NCSTN: variants seen among roughly 807,000 people sequenced by gnomAD.
NCSTN encodes anterior pharynx-defective 2.
A neutral mutation model predicts 87.0 loss-of-function variants in NCSTN; 22 were observed. The observed-to-expected ratio is 0.25, with a 90% CI of 0.18 to 0.36. The LOEUF (loss-of-function observed/expected upper bound fraction) is 0.36. Ranked by LOEUF, NCSTN falls within the 10% of genes least tolerant of loss-of-function variation. The probability of loss-of-function intolerance (pLI) is 1.00; values close to 1 mark genes in which losing one functional copy is unlikely to be tolerated. For missense variants in NCSTN, 693 were observed against 883.3 expected, an observed-to-expected ratio of 0.78 and a Z score of 2.73; for synonymous variants, 306 against 327.1, an observed-to-expected ratio of 0.94 and a Z score of 0.69.
chr1:160,350,430 T>A (rs6675937), intron 5 of NCSTN, among the ~76,000 whole-genome samples, 180 bp downstream of exon 5: 4,704 of 136,252 alleles, frequency 0.035, 267 homozygotes, highest in African/African-American at 0.13. Flanking sequence ...CCAGCCTGGG[T>A]GACAGAGCAA....
Position 160,358,250 on chromosome 1 carries a change from G to C in NCSTN, c.2109G>C (p.Glu703Asp), listed in dbSNP as rs530442532. The part of the protein sequence containing the change: ...KADVLFIAPR[E>D]PGAVSY ...ATGTCCTTTTCATTGCTCCCCGGGA[G>C]CCAGGAGCTGTGTCATACTGAGGAG... The change falls in exon 17 of 17, where the codon GAG becomes GAC. Residue 703 changes from glutamate (E) to aspartate (D), a missense_variant. By Grantham distance (45) the Glu-to-Asp change is conservative. Transcript: ENST00000294785. 5.0e-6 allele frequency: 8 copies of C among 1,614,102 alleles called. No homozygotes were observed. The South Asian group carries it at 7.7e-5, about 16-fold the overall frequency.
intron 1 of NCSTN, 172 bp from the exon 2 acceptor site, chr1:160,344,550 G>A (rs1165568865): frequency 1.3e-6 from 2 of 1,550,538 alleles, no homozygotes; most frequent in Non-Finnish European, 1.7e-6. Context: ...TGTAGAACAT[G>A]TATCTGTTAC....
At chr1:160,353,315 A>AC in intron 10 of NCSTN, 78 bp downstream of exon 10, 1 of 1,606,768 alleles carries the variant, frequency 6.2e-7, no homozygotes, top group East Asian at 2.2e-5. Flanking sequence ...GTTTCCACCA[A>AC]CCCCCAGGGC....
rs1045236554 is a variant in NCSTN, at chr1:160,352,104, A to C, written c.894A>C (p.Ala298=). 13 of 1,614,122 alleles carry C rather than the reference A, an allele frequency of 8.1e-6. No individual in the cohort carries two copies. Among genetic ancestry groups the C allele is most frequent in the Non-Finnish European group, 1.1e-5 (13 of 1,180,036 alleles). Residue 298 remains alanine (A), a synonymous_variant, in exon 8 of 17, where the codon GCA becomes GCC. Coordinates refer to ENST00000294785, the MANE Select transcript of NCSTN (RefSeq NM_015331.3). Reference sequence around the variant, plus strand: ...ATGTGGCCCCAGGGGCTGAAAGCGCAGTGGCTTCCTTTGTCACCCAGCTGG... The same window carrying C: ...ATGTGGCCCCAGGGGCTGAAAGCGCCGTGGCTTCCTTTGTCACCCAGCTGG... The part of the protein sequence containing the change: ...FWNVAPGAES[A]VASFVTQLAA...
At chr1:160,346,958 G>A (rs1033045600) in intron 2 of NCSTN, among the ~76,000 whole-genome samples, 1 of 152,232 alleles carries the variant, frequency 6.6e-6, no homozygotes, top group Non-Finnish European at 1.5e-5. Context: ...TAGGTCCAGG[G>A]TGGGCTGAGA....
chr1:160,349,354 T>G (rs1478174105), intron 3 of NCSTN, 195 bp from the exon 4 acceptor site: 2 of 769,196 alleles, frequency 2.6e-6, no homozygotes, highest in Non-Finnish European at 4.4e-6. Flanking sequence ...CCTCCCTCCC[T>G]GGGGTCCTTA....
chr1:160,355,325 G>A (rs1649071478), intron 11 of NCSTN, among the ~76,000 whole-genome samples: 2 of 152,146 alleles, frequency 1.3e-5, no homozygotes, highest in Admixed American at 6.5e-5. Flanking sequence ...ATGATACATG[G>A]CAGAGTTCTC....
chr1:160,346,249 TC>T (rs1557882344), intron 2 of NCSTN, among the ~76,000 whole-genome samples: 1 of 152,258 alleles, frequency 6.6e-6, no homozygotes, highest in African/African-American at 2.4e-5. Flanking sequence ...GATACTGGCT[TC>T]TTCATCATCA....
chr1:160,343,666 C>T (rs1648251938), intron 1 of NCSTN, 185 bp downstream of exon 1: 1 of 727,358 alleles, frequency 1.4e-6, no homozygotes, highest in East Asian at 2.7e-5. Flanking sequence ...GTCCCTTCTC[C>T]CCCGCAGCAC....
Position 160,355,676 on chromosome 1 carries a change from C to A in NCSTN, c.1374C>A (p.Asp458Glu). 1 of 1,614,096 alleles carries A rather than the reference C, an allele frequency of 6.2e-7. No homozygotes were observed. Among genetic ancestry groups the A allele is most frequent in the South Asian group, 1.1e-5 (1 of 91,080 alleles). The change falls in exon 12 of 17, where the codon GAC becomes GAA. Residue 458 changes from aspartate to glutamate, a missense_variant. Asp to Glu is a conservative substitution (Grantham distance 45). This residue lies in a region of NCSTN where 108 missense variants were observed against 111.6 expected (regional missense o/e 0.97). Transcript: ENST00000294785. ...FHNKYYQSIY[D>E]TAENINVSYP... ...GCAGATATTACCAGAGTATTTACGA[C>A]ACTGCTGAGAACATTAATGTGAGCT...
intron 11 of NCSTN, 58 bp from the exon 12 acceptor site, chr1:160,355,597 G>T: frequency 7.8e-7 from 1 of 1,285,374 alleles, no homozygotes. Context: ...ATTTGAGGGA[G>T]GAAAGGGGCA....
chr1:160,349,578 C>A lies in NCSTN; in HGVS notation c.344C>A (p.Thr115Asn). 6.2e-7 allele frequency: 1 copy of A among 1,614,168 alleles called. No individual in the cohort carries two copies. Among genetic ancestry groups the A allele is most frequent in the South Asian group, 1.1e-5 (1 of 91,082 alleles). The change falls in exon 4 of 17, where the codon ACC becomes AAC. Residue 115 changes from threonine (T) to asparagine (N), a missense_variant. Coordinates refer to ENST00000294785, the MANE Select transcript of NCSTN (RefSeq NM_015331.3). ...RDLMEKLKGR[T>N]SRIAGLAVSL... is the part of the protein sequence containing the mutation. ...TTAATGGAGAAGCTGAAAGGGAGAA[C>A]CAGCCGAATTGCTGGTCTTGCAGTG...
chr1:160,358,795 G>A lies in NCSTN; in HGVS notation c.*524G>A, dbSNP rs1649260015. 1 of 168,794 alleles carries A rather than the reference G, an allele frequency of 5.9e-6. No homozygotes were observed. Among genetic ancestry groups the A allele is most frequent in the African/African-American group, 2.4e-5 (1 of 41,900 alleles). 10.5% of individuals were successfully genotyped at this position (168,794 alleles called of 1,614,324 possible). A position where few individuals can be genotyped will look rare whatever the true frequency, so the allele number is the denominator to read the frequency against. On this transcript the variant is annotated 3_prime_UTR_variant, in exon 17 of 17. Transcript: ENST00000294785. ...CCAGGCCCTCAGATGGCACATTAGG[G>A]TGGGCGTGCTGCGGGTGGGTATCCC...
chr1:160,355,876 T>C lies in NCSTN; in HGVS notation c.1469T>C (p.Val490Ala). 1 of 1,614,144 alleles carries C rather than the reference T, an allele frequency of 6.2e-7. No homozygotes were observed. The highest frequency in any genetic ancestry group is 8.5e-7 in the Non-Finnish European group (1 of 1,180,004). Reference sequence around the variant, plus strand: ...CACCTACCACAGGCCCTGGCAGATGTGGCCACGGTGCTGGGACGTGCTCTG... The same window carrying C: ...CACCTACCACAGGCCCTGGCAGATGCGGCCACGGTGCTGGGACGTGCTCTG... ...VTDTAKALAD[V>A]ATVLGRALYE... is the part of the protein sequence containing the mutation. Residue 490 changes from valine to alanine, a missense_variant, in exon 13 of 17, where the codon GTG becomes GCG. By Grantham distance (64) the Val-to-Ala change is moderately conservative. Coordinates refer to ENST00000294785, the MANE Select transcript of NCSTN (RefSeq NM_015331.3).
At position 160,351,763 on chromosome 1, in the gene NCSTN, G is replaced by A; in HGVS notation, c.801G>A (p.Gly267=). The stretch of plus-strand genomic sequence containing the variant: ...TGCTAAAGCCTATAAATACAACTGG[G>A]ACATTAAAGCCTGACGACAGGGTTG... ...WSMLKPINTT[G]TLKPDDRVVV... is the part of the protein sequence containing the mutation. Residue 267 remains glycine (G), a synonymous_variant, in exon 7 of 17, where the codon GGG becomes GGA. Coordinates refer to ENST00000294785, the MANE Select transcript of NCSTN (RefSeq NM_015331.3). 1 of 1,613,598 alleles carries A rather than the reference G, an allele frequency of 6.2e-7. No individual in the cohort carries two copies. Among genetic ancestry groups the A allele is most frequent in the East Asian group, 2.2e-5 (1 of 44,878 alleles).
rs146464651 is a variant in NCSTN, at chr1:160,349,728, G to A, written c.436+58G>A. ...GTCACCTAAGGCTCACTGTTGCTTC[G>A]GTCTTACGTCTTTGTGAGGGATGTA... On this transcript the variant is annotated intron_variant, in intron 4 of 16. Transcript: ENST00000294785. 3.1e-3 allele frequency: 4,898 copies of A among 1,601,164 alleles called. 5 individuals carry two copies. Among genetic ancestry groups the A allele is most frequent in the Non-Finnish European group, 3.8e-3 (4,439 of 1,170,282 alleles).
chr1:160,349,968 C>T, intron 4 of NCSTN, 137 bp from the exon 5 acceptor site: 1 of 1,118,248 alleles, frequency 8.9e-7, no homozygotes, highest in Non-Finnish European at 1.4e-6. Context: ...TGGTAATAGA[C>T]TTCATGCCTA....
At chr1:160,345,016 A>G in intron 2 of NCSTN, 190 bp downstream of exon 2, 1 of 652,992 alleles carries the variant, frequency 1.5e-6, no homozygotes, top group Non-Finnish European at 2.8e-6. Flanking sequence ...GCTGCATACC[A>G]AGCTTTTTAC....
intron 5 of NCSTN, 70 bp from the exon 6 acceptor site, chr1:160,351,152 C>T (rs1648814844): frequency 6.4e-7 from 1 of 1,552,170 alleles, no homozygotes; most frequent in Non-Finnish European, 8.9e-7. Flanking sequence ...ACTGGGCCCT[C>T]CTCCTTCTGG....
Sources: allele counts gnomAD v4.1 joint callset (sites outside exome capture counted in the v4.1 genomes callset), GRCh38; gene constraint gnomAD v4.1.1; regional missense constraint gnomAD v4.1.1; transcripts MANE v1.5; gene names NCBI Gene and HGNC (gene_info 2026-07-23, HGNC 2026-07-21).